The following DOCK9 variants were observed in gnomAD, a reference collection of about 807,000 sequenced individuals.
DOCK9 encodes the protein dedicator of cytokinesis protein 9.
DOCK9 carries 89 observed loss-of-function variants against 263.3 expected under a neutral mutation model. The observed-to-expected ratio is 0.34, with a 90% CI of 0.28 to 0.40. The LOEUF (loss-of-function observed/expected upper bound fraction) is 0.40. Ranked by LOEUF, DOCK9 falls within the 10% of genes least tolerant of loss-of-function variation. The pLI is 1.00. For missense variants in DOCK9, 2,140 were observed against 2,603.4 expected, an observed-to-expected ratio of 0.82 and a Z score of 3.87; for synonymous variants, 976 against 973.1, an observed-to-expected ratio of 1.00 and a Z score of -0.06.
chr13:98,823,247 C>T (rs2092374806), intron 45 of DOCK9, among the ~76,000 whole-genome samples: 1 of 152,098 alleles, frequency 6.6e-6, no homozygotes, highest in African/African-American at 2.4e-5. Context: ...GTTTGACAGG[C>T]TGTTTGGGTC....
chr13:98,845,278 T>C, intron 38 of DOCK9: 1 of 1,302,250 alleles, frequency 7.7e-7, no homozygotes, highest in Non-Finnish European at 1.0e-6. Flanking sequence ...GGGTCTTGGC[T>C]TGCAAGTGAA....
intron 1 of DOCK9, among the ~76,000 whole-genome samples, chr13:99,004,698 G>A (rs565910684): frequency 1.3e-5 from 2 of 152,010 alleles, no homozygotes; most frequent in African/African-American, 4.8e-5. Flanking sequence ...CCTAGGATGA[G>A]GTCATTCATT....
At chr13:99,049,980 G>A (rs1396124831) in intron 1 of DOCK9, among the ~76,000 whole-genome samples, 1 of 152,138 alleles carries the variant, frequency 6.6e-6, no homozygotes, top group East Asian at 1.9e-4. Context: ...AATACAAGAA[G>A]CAATTATGCT....
At chr13:99,049,329 G>A (rs2040578502) in intron 1 of DOCK9, among the ~76,000 whole-genome samples, 1 of 152,188 alleles carries the variant, frequency 6.6e-6, no homozygotes. Context: ...CCTTGGACAG[G>A]GGCAGTGTGG....
rs2092664204 is a variant in DOCK9, at chr13:98,829,162, C to T, written c.4965+145G>A. 5.6e-6 allele frequency: 4 copies of T among 716,170 alleles called. No homozygotes were observed. The Admixed American group carries it at 1.2e-4, about 21-fold the overall frequency. 44.4% of individuals were successfully genotyped at this position (716,170 alleles called of 1,614,324 possible). On this transcript the variant is annotated intron_variant, in intron 43 of 52. Coordinates refer to ENST00000682017, the MANE Select transcript of DOCK9 (RefSeq NM_001366683.2). The surrounding 1 kb of genome is among the most constrained non-coding windows in gnomAD (Gnocchi z 4.1). ...ATGCTCAGCTAACTATGAAGTCACC[C>T]TAAGCTTCATACTGTTTAAAGTTTT...
intron 1 of DOCK9, among the ~76,000 whole-genome samples, chr13:98,965,957 C>A (rs902077780): frequency 2.6e-5 from 4 of 152,228 alleles, no homozygotes; most frequent in Non-Finnish European, 5.9e-5. Context: ...TTTGACAAAT[C>A]TGACAAAATC....
chr13:98,994,480 C>A (rs1880540537), intron 1 of DOCK9, among the ~76,000 whole-genome samples: 1 of 152,180 alleles, frequency 6.6e-6, no homozygotes, highest in Non-Finnish European at 1.5e-5. Flanking sequence ...AAAATGTCAA[C>A]AGTGCTAAGG....
chr13:99,082,739 C>A, intron 1 of DOCK9, among the ~76,000 whole-genome samples: 1 of 152,152 alleles, frequency 6.6e-6, no homozygotes, highest in Non-Finnish European at 1.5e-5. Flanking sequence ...AAGAGCTTCA[C>A]CCACATAGCT....
intron 45 of DOCK9, among the ~76,000 whole-genome samples, chr13:98,814,573 T>G (rs111528575): frequency 6.6e-5 from 10 of 152,212 alleles, no homozygotes; most frequent in African/African-American, 2.4e-4. Flanking sequence ...GCCCAGCTAA[T>G]TTTTGTATTT....
At chr13:98,978,066 T>C, upstream of DOCK9, 1 of 1,423,846 alleles carries the variant, frequency 7.0e-7, no homozygotes, top group Non-Finnish European at 9.1e-7. Flanking sequence ...GCAGAGCCTG[T>C]GGGGTGGGAA....
chr13:99,039,918 T>C (rs1396815185), intron 1 of DOCK9, among the ~76,000 whole-genome samples: 1 of 152,208 alleles, frequency 6.6e-6, no homozygotes, highest in Non-Finnish European at 1.5e-5. Context: ...CCTCTAAGAC[T>C]CAGTTTTCTC....
intron 27 of DOCK9, among the ~76,000 whole-genome samples, chr13:98,879,425 GA>G (rs2044391725): frequency 6.6e-6 from 1 of 152,188 alleles, no homozygotes; most frequent in Non-Finnish European, 1.5e-5. Flanking sequence ...TGAGATTGGT[GA>G]GATACTCCCA....
At chr13:98,847,225 G>A (rs932671543) in intron 37 of DOCK9, 1 of 154,106 alleles carries the variant, frequency 6.5e-6, no homozygotes, top group Admixed American at 6.3e-5. Context: ...ATCTTGTGAC[G>A]TAGGTGTCAC....
intron 2 of DOCK9, among the ~76,000 whole-genome samples, chr13:98,931,877 T>C (rs2054003175): frequency 6.7e-6 from 1 of 149,274 alleles, no homozygotes. Context: ...GGATTACAGG[T>C]GTGAGCCACC....
intron 22 of DOCK9, 141 bp from the exon 23 acceptor site, chr13:98,883,272 G>T: frequency 1.2e-6 from 1 of 810,460 alleles, no homozygotes. Flanking sequence ...TTTTGAGACA[G>T]AGTCTTGCTC....
chr13:98,924,303 A>G (rs994180979), intron 4 of DOCK9, among the ~76,000 whole-genome samples: 2 of 152,264 alleles, frequency 1.3e-5, no homozygotes, highest in African/African-American at 4.8e-5. Flanking sequence ...AAGCCACACA[A>G]GGAGGAAAAA....
intron 45 of DOCK9, among the ~76,000 whole-genome samples, chr13:98,817,584 C>T (rs2091968576): frequency 6.6e-6 from 1 of 151,056 alleles, no homozygotes; most frequent in Non-Finnish European, 1.5e-5. Context: ...TGAGCCACCA[C>T]ATCTAGCCTA....
chr13:98,885,658 AC>A, intron 20 of DOCK9, 49 bp downstream of exon 20: 1 of 1,550,360 alleles, frequency 6.5e-7, no homozygotes, highest in Non-Finnish European at 8.7e-7. Flanking sequence ...CAATTTAAGA[AC>A]CTAATGTTTC....
chr13:98,901,281 G>A (rs981189251), intron 13 of DOCK9, among the ~76,000 whole-genome samples: 3 of 152,206 alleles, frequency 2.0e-5, no homozygotes, highest in African/African-American at 7.2e-5. Context: ...CATACATCAT[G>A]TATGTTTTCT....
Sources: allele counts gnomAD v4.1 joint callset (sites outside exome capture counted in the v4.1 genomes callset), GRCh38; gene constraint gnomAD v4.1.1; non-coding constraint Gnocchi (gnomAD v3.1); transcripts MANE v1.5; gene names NCBI Gene and HGNC (gene_info 2026-07-23, HGNC 2026-07-21).